TRPM3: variants seen among roughly 807,000 people sequenced by gnomAD.
The protein encoded by TRPM3 is long transient receptor potential channel 3.
Under a neutral mutation model 181.2 loss-of-function variants are expected in TRPM3, and 77 were observed. The ratio of observed to expected loss-of-function variants is 0.42; its 90% confidence interval spans 0.35 to 0.51. TRPM3 has a LOEUF of 0.51. TRPM3 is among the 20% of genes least tolerant of loss of function. The pLI is 0.01. For missense variants in TRPM3, 1,759 were observed against 2,196.7 expected (o/e 0.80, Z 3.98); for synonymous variants, 745 against 796.4 (o/e 0.94, Z 1.09).
At chr9:71,270,294 G>T (rs1390296680) in intron 1 of TRPM3, among the ~76,000 whole-genome samples, 1 of 152,222 alleles carries the variant, frequency 6.6e-6, no homozygotes, top group Non-Finnish European at 1.5e-5. Context: ...AGGTTACAGT[G>T]AGCCAAGACG....
At chr9:71,143,700 T>C (rs1039533111) in intron 1 of TRPM3, among the ~76,000 whole-genome samples, 1 of 152,218 alleles carries the variant, frequency 6.6e-6, no homozygotes, top group Non-Finnish European at 1.5e-5. Flanking sequence ...TTTGGGTATA[T>C]ACCCAGTAAT....
intron 1 of TRPM3, among the ~76,000 whole-genome samples, chr9:70,961,406 G>A (rs369022790): frequency 1.3e-5 from 2 of 152,104 alleles, no homozygotes; most frequent in South Asian, 4.1e-4. Flanking sequence ...GCAGTCATTT[G>A]TTACAGCAGC....
chr9:71,367,669 T>C (rs2092379774), intron 1 of TRPM3, among the ~76,000 whole-genome samples: 1 of 152,026 alleles, frequency 6.6e-6, no homozygotes. Context: ...AACCATCAAA[T>C]AAGAGGATGG....
chr9:70,800,011 A>G (rs1199039206), intron 6 of TRPM3, among the ~76,000 whole-genome samples: 1 of 152,244 alleles, frequency 6.6e-6, no homozygotes, highest in Non-Finnish European at 1.5e-5. Context: ...ACTGCAATAC[A>G]GTCATTTCTG....
chr9:71,280,513 G>GA (rs199539385), intron 1 of TRPM3, among the ~76,000 whole-genome samples: 3,904 of 149,042 alleles, frequency 0.026, 166 homozygotes, highest in African/African-American at 0.089. Flanking sequence ...GGCCATCTCA[G>GA]AAAAAAAAAG....
chr9:71,191,108 C>A (rs2077995159), intron 1 of TRPM3, among the ~76,000 whole-genome samples: 1 of 151,784 alleles, frequency 6.6e-6, no homozygotes, highest in Admixed American at 6.6e-5. Context: ...TTAAGTGATA[C>A]TGTAACTTTC....
At chr9:71,044,603 T>G (rs1016722614) in intron 1 of TRPM3, among the ~76,000 whole-genome samples, 1 of 152,250 alleles carries the variant, frequency 6.6e-6, no homozygotes, top group Non-Finnish European at 1.5e-5. Context: ...CTACAAAAAG[T>G]CCTACTTCAT....
intron 16 of TRPM3, 46 bp downstream of exon 16, chr9:70,620,030 T>A (rs1449271406): frequency 6.4e-7 from 1 of 1,557,336 alleles, no homozygotes; most frequent in South Asian, 1.2e-5. Flanking sequence ...GGAGCCCACC[T>A]TTCCTCCTCT....
At chr9:70,783,703 G>A (rs111827790) in intron 7 of TRPM3, among the ~76,000 whole-genome samples, 3 of 152,272 alleles carry the variant, frequency 2.0e-5, no homozygotes, top group African/African-American at 4.8e-5. Context: ...AAGCCTGGAA[G>A]CTGAACAACC....
chr9:71,330,259 G>A (rs559490921), intron 1 of TRPM3, among the ~76,000 whole-genome samples: 2 of 151,794 alleles, frequency 1.3e-5, no homozygotes, highest in Non-Finnish European at 2.9e-5. Context: ...TTTTGTTAAG[G>A]TTACATAGTT....
chr9:70,845,974 C>T (rs1032792196), intron 4 of TRPM3, among the ~76,000 whole-genome samples: 3 of 152,130 alleles, frequency 2.0e-5, no homozygotes, highest in Non-Finnish European at 2.9e-5. Flanking sequence ...CAGATGGAAA[C>T]GTCATTTTGT....
chr9:70,975,225 G>A (rs944140322), intron 1 of TRPM3, among the ~76,000 whole-genome samples: 3 of 152,008 alleles, frequency 2.0e-5, no homozygotes, highest in Non-Finnish European at 2.9e-5. Context: ...GTTGTTGAAC[G>A]GAGTCATTTT....
At chr9:70,979,585 G>A (rs182802918) in intron 1 of TRPM3, among the ~76,000 whole-genome samples, 27 of 152,250 alleles carry the variant, frequency 1.8e-4, no homozygotes, top group African/African-American at 6.3e-4. Flanking sequence ...AATTTAAATT[G>A]ACAATCCTTG....
At chr9:71,413,646 A>T (rs2093595134) in intron 1 of TRPM3, among the ~76,000 whole-genome samples, 1 of 152,242 alleles carries the variant, frequency 6.6e-6, no homozygotes, top group East Asian at 1.9e-4. Context: ...TTAGGTCAAG[A>T]GAGCTCCACC....
rs747005918 is a variant in TRPM3 at position 70,531,382 on chromosome 9, TTGAG to T, written c.*4567_*4570del. 2 of 152,202 alleles carry T rather than the reference TTGAG, an allele frequency of 1.3e-5. No individual in the cohort carries two copies. Among genetic ancestry groups the T allele is most frequent in the African/African-American group, 2.4e-5 (1 of 41,458 alleles). 9.4% of individuals were successfully genotyped at this position (152,202 alleles called of 1,614,324 possible). A position where few individuals can be genotyped will look rare whatever the true frequency, so the allele number is the denominator to read the frequency against. On this transcript the variant is annotated 3_prime_UTR_variant, in exon 26 of 26. Coordinates refer to ENST00000677713, the MANE Select transcript of TRPM3 (RefSeq NM_001366145.2). ...TCCCCATAGTAAGAAGCCCAACTGT[TTGAG>T]TGAATTCTTAACTGGCTTAAGCGTC...
intron 1 of TRPM3, among the ~76,000 whole-genome samples, chr9:70,950,562 C>G (rs1279687010): frequency 3.3e-5 from 5 of 152,126 alleles, no homozygotes; most frequent in Non-Finnish European, 5.9e-5. Flanking sequence ...AAAATGCAGC[C>G]CTATTGAGGA....
chr9:71,128,008 A>G (rs1180916595), intron 1 of TRPM3, among the ~76,000 whole-genome samples: 1 of 152,242 alleles, frequency 6.6e-6, no homozygotes, highest in African/African-American at 2.4e-5. Flanking sequence ...TTGGAGTCAT[A>G]TGTGCCACCC....
In TRPM3 at chr9:70,533,191, T is replaced by A. The variant is rs1437031435; in HGVS notation, c.*2762A>T. On this transcript the variant is annotated 3_prime_UTR_variant, in exon 26 of 26. Transcript: ENST00000677713. Reference sequence around the variant, plus strand: ...GAATGGAAACACTTGAGCTGAAAATTTCTTTCCCTCACTTCCAATCTGGCC... The same window carrying A: ...GAATGGAAACACTTGAGCTGAAAATATCTTTCCCTCACTTCCAATCTGGCC... 1.3e-5 allele frequency: 2 copies of A among 152,198 alleles called. No homozygotes were observed. The highest frequency in any genetic ancestry group is 3.9e-4 in the East Asian group (2 of 5,194). The allele number at this position is 152,198 out of a possible 1,614,324, so 9.4% of individuals were successfully genotyped here. A position where few individuals can be genotyped will look rare whatever the true frequency, so the allele number is the denominator to read the frequency against.
chr9:71,030,619 A>T (rs975984623), intron 1 of TRPM3, among the ~76,000 whole-genome samples: 15 of 152,124 alleles, frequency 9.9e-5, no homozygotes, highest in Admixed American at 3.3e-4. Context: ...TCCTTTGACT[A>T]ATCAGATGCT....
Sources: allele counts gnomAD v4.1 joint callset (sites outside exome capture counted in the v4.1 genomes callset), GRCh38; gene constraint gnomAD v4.1.1; transcripts MANE v1.5; gene names NCBI Gene and HGNC (gene_info 2026-07-23, HGNC 2026-07-21).